The following TMPRSS11A variants were observed in gnomAD, a reference collection of about 807,000 sequenced individuals.
TMPRSS11A encodes transmembrane protease serine 11A.
A neutral mutation model predicts 58.9 loss-of-function variants in TMPRSS11A; 53 were observed. That is an observed-to-expected ratio of 0.90 (90% CI 0.72 to 1.13). TMPRSS11A has a LOEUF of 1.13. Ranked by LOEUF, TMPRSS11A falls within the 50% of genes most tolerant of loss-of-function variation. The pLI is 0.00. For missense variants in TMPRSS11A, 493 were observed against 499.3 expected (o/e 0.99, Z 0.12); for synonymous variants, 167 against 169.8 (o/e 0.98, Z 0.13).
chr4:67,930,829 T>TTTTTTTCA (rs1265700805), intron 4 of TMPRSS11A, among the ~76,000 whole-genome samples: 1 of 90,158 alleles, frequency 1.1e-5, no homozygotes, highest in African/African-American at 4.7e-5. Context: ...TTTTTTTTTT[T>TTTTTTTCA]ACAAAAAAAA....
intron 4 of TMPRSS11A, 34 bp from the exon 5 acceptor site, chr4:67,930,074 GA>G: frequency 6.3e-7 from 1 of 1,582,242 alleles, no homozygotes; most frequent in Non-Finnish European, 8.6e-7. Context: ...CATTTTCAAA[GA>G]ATACACCTGG....
chr4:67,943,465 G>C (rs79320910), intron 3 of TMPRSS11A, among the ~76,000 whole-genome samples: 2,837 of 152,268 alleles, frequency 0.019, 101 homozygotes, highest in African/African-American at 0.065. Context: ...CATCGAGGAG[G>C]TTATGTGGAG....
chr4:67,933,215 A>G (rs1439126285), intron 3 of TMPRSS11A, among the ~76,000 whole-genome samples: 2 of 152,190 alleles, frequency 1.3e-5, no homozygotes, highest in Non-Finnish European at 2.9e-5. Flanking sequence ...CTCATCAGGA[A>G]CCACATTATT....
At chr4:67,934,494 T>G (rs924497151) in intron 3 of TMPRSS11A, among the ~76,000 whole-genome samples, 2 of 152,208 alleles carry the variant, frequency 1.3e-5, no homozygotes, top group African/African-American at 4.8e-5. Context: ...ATAAATCTAT[T>G]GTTATCTATA....
At chr4:67,937,723 C>T (rs980332605) in intron 3 of TMPRSS11A, among the ~76,000 whole-genome samples, 5 of 152,050 alleles carry the variant, frequency 3.3e-5, no homozygotes, top group Non-Finnish European at 5.9e-5. Flanking sequence ...ATGATTTCAT[C>T]CTTTTTTATG....
rs777096477 is a variant in TMPRSS11A at position 67,919,107 on chromosome 4, A to C, written c.818T>G (p.Ile273Ser). 1.2e-6 allele frequency: 2 copies of C among 1,614,186 alleles called. 1 individual carries two copies. Among genetic ancestry groups the C allele is most frequent in the South Asian group, 2.2e-5 (2 of 91,090 alleles). Residue 273 changes from isoleucine to serine, a missense_variant, in exon 8 of 10, where the codon ATT becomes AGT. By Grantham distance (142) the Ile-to-Ser change is moderately radical (BLOSUM62 -2). Transcript: ENST00000508048. ...KYRSAAREYD[I>S]AVVQVSSRVT... ...TCTGGAAGAGACCTGCACAACAGCA[A>C]TGTCGTACTCTCTTGCTGCAGAGCG...
intron 5 of TMPRSS11A, among the ~76,000 whole-genome samples, chr4:67,928,030 T>C (rs1220548895): frequency 6.6e-6 from 1 of 152,108 alleles, no homozygotes; most frequent in African/African-American, 2.4e-5. Flanking sequence ...TTAGAATTGG[T>C]CAGGTAACTC....
intron 8 of TMPRSS11A, 54 bp downstream of exon 8, chr4:67,918,919 T>A (rs1450213248): frequency 4.4e-6 from 7 of 1,586,716 alleles, no homozygotes; most frequent in Non-Finnish European, 5.2e-6. Context: ...GGAGATGAAA[T>A]CACATTGCCT....
chr4:67,959,336 A>C (rs1158323405), intron 1 of TMPRSS11A, among the ~76,000 whole-genome samples: 1 of 152,210 alleles, frequency 6.6e-6, no homozygotes, highest in African/African-American at 2.4e-5. Flanking sequence ...CAATTGCAAC[A>C]AAACAAAAAT....
chr4:67,922,633 C>A (rs551029329), intron 7 of TMPRSS11A, 122 bp downstream of exon 7: 2 of 943,030 alleles, frequency 2.1e-6, no homozygotes, highest in Non-Finnish European at 3.1e-6. Context: ...TAGAAAAGAA[C>A]CTGAAATAAC....
chr4:67,916,116 C>T (rs1456234195), intron 8 of TMPRSS11A, among the ~76,000 whole-genome samples: 1 of 151,998 alleles, frequency 6.6e-6, no homozygotes, highest in Non-Finnish European at 1.5e-5. Flanking sequence ...AGAAACGCTA[C>T]AAGAGTAGAT....
chr4:67,961,477 CTTTTCCTTTTTTTTT>C (rs1721417987), intron 1 of TMPRSS11A, among the ~76,000 whole-genome samples: 4 of 2,316 alleles, frequency 1.7e-3, no homozygotes, highest in African/African-American at 3.5e-3. Flanking sequence ...CTTTCCTTTT[CTTTTCCTTTTTTTTT>C]TTTTTTTTTT....
intron 7 of TMPRSS11A, among the ~76,000 whole-genome samples, chr4:67,920,550 T>TATATATATATATATATATATATATA (rs374550125): frequency 8.5e-5 from 5 of 58,550 alleles, no homozygotes; most frequent in East Asian, 9.7e-4. Flanking sequence ...TATATATATA[T>TATATATATATATATATATATATATA]TTTTTTTTAT....
rs909355646 is a variant in TMPRSS11A, at chr4:67,924,317, C to A, written c.482-151G>T. On this transcript the variant is annotated intron_variant, in intron 5 of 9. Transcript: ENST00000508048. The stretch of plus-strand genomic sequence containing the variant: ...GGAGAATGGCTATCTGATATAACAA[C>A]ATCTGTGTACAGTTTTTGTAGAGAC... 8.5e-6 allele frequency: 6 copies of A among 703,970 alleles called. No homozygotes were observed. In the African/African-American group the frequency reaches 8.8e-5, roughly 10 times the overall value. 43.6% of individuals were successfully genotyped at this position (703,970 alleles called of 1,614,324 possible).
chr4:67,941,515 T>C (rs1278119586), intron 3 of TMPRSS11A, among the ~76,000 whole-genome samples: 1 of 152,224 alleles, frequency 6.6e-6, no homozygotes, highest in Non-Finnish European at 1.5e-5. Context: ...ATTCCATGTG[T>C]GTTACTCACA....
At chr4:67,944,198 G>A (rs982162178) in intron 3 of TMPRSS11A, among the ~76,000 whole-genome samples, 1 of 152,130 alleles carries the variant, frequency 6.6e-6, no homozygotes, top group Non-Finnish European at 1.5e-5. Context: ...TTCTACAGGG[G>A]AAACGTGGTG....
chr4:67,932,274 G>T (rs186924350), intron 3 of TMPRSS11A, among the ~76,000 whole-genome samples: 1 of 152,006 alleles, frequency 6.6e-6, no homozygotes, highest in Non-Finnish European at 1.5e-5. Flanking sequence ...TTTTGGTTTC[G>T]ATTGGTCTAG....
At position 67,948,074 on chromosome 4, in the gene TMPRSS11A, A is replaced by T. The variant is rs569712729; in HGVS notation, c.12-1503T>A. ...CTAAATTTTTTTGGAAACAGAGGAT[A>T]TTTTTCATATTTTCTTCACAGGATT... On this transcript the variant is annotated intron_variant, in intron 1 of 9. Transcript: ENST00000508048. Among the ~76,000 whole-genome samples, 11 of 146,880 alleles carry T rather than the reference A, an allele frequency of 7.5e-5. No individual in the cohort carries two copies. In the East Asian group the frequency reaches 1.4e-3, roughly 19 times the overall value.
chr4:67,918,648 A>C (rs1438427), intron 8 of TMPRSS11A, among the ~76,000 whole-genome samples: 99,901 of 151,624 alleles, frequency 0.66, 33,350 homozygotes, highest in East Asian at 0.82. Context: ...CTGAATGAAG[A>C]CAATATAGAG....
Sources: gnomAD v4.1 joint callset for allele counts (sites outside exome capture counted in the v4.1 genomes callset) on GRCh38, gnomAD v4.1.1 for gene constraint, MANE v1.5 for transcripts, NCBI Gene and HGNC (gene_info 2026-07-23, HGNC 2026-07-21) for gene names.